CNTNAP4: variants seen among roughly 807,000 people sequenced by gnomAD.
The protein encoded by CNTNAP4 is contactin-associated protein-like 4.
CNTNAP4 carries 98 observed loss-of-function variants against 148.4 expected under a neutral mutation model. The observed-to-expected ratio is 0.66, with a 90% CI of 0.56 to 0.78. The LOEUF (loss-of-function observed/expected upper bound fraction) is 0.78, where lower values mean the gene tolerates loss of function less well. Ranked by LOEUF, CNTNAP4 falls within the 30% of genes least tolerant of loss-of-function variation. The probability of loss-of-function intolerance (pLI) is 0.00; values close to 1 mark genes in which losing one functional copy is unlikely to be tolerated. For synonymous variants in CNTNAP4, 730 were observed against 565.1 expected (o/e 1.29, Z -4.14); for missense variants, 1,935 against 1,565.6 (o/e 1.24, Z -3.98).
intron 21 of CNTNAP4, among the ~76,000 whole-genome samples, chr16:76,546,491 G>C (rs1038458395): frequency 2.0e-5 from 3 of 152,114 alleles, no homozygotes; most frequent in Non-Finnish European, 2.9e-5. Flanking sequence ...CTCATTATGA[G>C]AATCTAATGC....
intron 8 of CNTNAP4, among the ~76,000 whole-genome samples, chr16:76,461,206 C>CA (rs1294479573): frequency 6.6e-6 from 1 of 151,994 alleles, no homozygotes; most frequent in African/African-American, 2.4e-5. Flanking sequence ...AACAAACTTA[C>CA]AAAAATTTAA....
At chr16:76,384,166 C>T (rs1031227145) in intron 3 of CNTNAP4, among the ~76,000 whole-genome samples, 8 of 151,978 alleles carry the variant, frequency 5.3e-5, no homozygotes, top group African/African-American at 1.7e-4. Context: ...GCCTCAGCCT[C>T]CTGAGTAGCT....
chr16:76,330,906 T>A (rs1421559385), intron 2 of CNTNAP4, among the ~76,000 whole-genome samples: 1 of 152,248 alleles, frequency 6.6e-6, no homozygotes, highest in African/African-American at 2.4e-5. Context: ...TATTTGAATG[T>A]GGCAATTTTT....
At chr16:76,503,797 C>T (rs1038360902) in intron 15 of CNTNAP4, among the ~76,000 whole-genome samples, 6 of 150,992 alleles carry the variant, frequency 4.0e-5, no homozygotes, top group East Asian at 2.0e-4. Flanking sequence ...TTTGTCTTTG[C>T]GATAGTTTGC....
rs567025346 is a variant in CNTNAP4, at chr16:76,483,958, A to G, written c.1882+4420A>G. Among the ~76,000 whole-genome samples, 78 of 152,296 alleles carry G rather than the reference A, an allele frequency of 5.1e-4. 3 individuals are homozygous for G. In the South Asian group the frequency reaches 0.014, roughly 27 times the overall value. On this transcript the variant is annotated intron_variant, in intron 12 of 23. Coordinates refer to ENST00000611870, the MANE Select transcript of CNTNAP4 (RefSeq NM_033401.5). ...TATGGGCAATAATTTAGTAATTTAT[A>G]GGCCATATGTATTTTTTATTAACTA...
chr16:76,292,635 T>G (rs1199178415), intron 1 of CNTNAP4, among the ~76,000 whole-genome samples: 1 of 152,214 alleles, frequency 6.6e-6, no homozygotes, highest in Non-Finnish European at 1.5e-5. Flanking sequence ...AACTGCTGTA[T>G]CATTCCTCTC....
chr16:76,317,877 C>T (rs542444094), intron 2 of CNTNAP4, among the ~76,000 whole-genome samples: 1 of 152,242 alleles, frequency 6.6e-6, no homozygotes, highest in East Asian at 1.9e-4. Flanking sequence ...CTTTTGTGTG[C>T]TTCTGAATGT....
intron 17 of CNTNAP4, among the ~76,000 whole-genome samples, chr16:76,532,577 TTACTGTA>T (rs1229944810): frequency 6.6e-6 from 1 of 152,196 alleles, no homozygotes; most frequent in Non-Finnish European, 1.5e-5. Context: ...TGATTTAATG[TTACTGTA>T]TACTGTAGAC....
At chr16:76,412,002 C>T (rs2144923125) in intron 3 of CNTNAP4, among the ~76,000 whole-genome samples, 1 of 151,440 alleles carries the variant, frequency 6.6e-6, no homozygotes, top group South Asian at 2.1e-4. Context: ...AATTCTATTG[C>T]CATAGATTAG....
chr16:76,335,525 G>A (rs1235336181), intron 2 of CNTNAP4, among the ~76,000 whole-genome samples: 1 of 152,076 alleles, frequency 6.6e-6, no homozygotes, highest in Non-Finnish European at 1.5e-5. Context: ...GAAGGATGAG[G>A]GTAAGACATG....
chr16:76,346,148 G>A (rs1331798779), intron 2 of CNTNAP4, among the ~76,000 whole-genome samples: 1 of 151,954 alleles, frequency 6.6e-6, no homozygotes, highest in Admixed American at 6.6e-5. Context: ...TAAGCCCAGA[G>A]GTAAACAAAT....
intron 21 of CNTNAP4, 137 bp from the exon 22 acceptor site, chr16:76,553,146 C>A: frequency 1.7e-6 from 1 of 583,094 alleles, no homozygotes; most frequent in South Asian, 2.6e-5. Context: ...GGATTTTTAT[C>A]TTTTTAGTAA....
At chr16:76,291,958 G>A (rs1959134328) in intron 1 of CNTNAP4, among the ~76,000 whole-genome samples, 2 of 152,060 alleles carry the variant, frequency 1.3e-5, no homozygotes, top group South Asian at 2.1e-4. Context: ...AGTAGCCTTT[G>A]GATTTATCTT....
chr16:76,501,725 G>A lies in CNTNAP4; in HGVS notation c.2365+3031G>A, dbSNP rs186597073. ...GTAGTACTGAGGCTGAGAAACTAGA[G>A]CTTTGAACTACTGTGACCATGGGAA... On this transcript the variant is annotated intron_variant, in intron 15 of 23. Coordinates refer to ENST00000611870, the MANE Select transcript of CNTNAP4 (RefSeq NM_033401.5). Among the ~76,000 whole-genome samples, 222 of 152,138 alleles carry A rather than the reference G, an allele frequency of 1.5e-3. 1 individual carries two copies. The highest frequency in any genetic ancestry group is 5.1e-3 in the African/African-American group (212 of 41,504).
chr16:76,349,663 C>A (rs1019341744), intron 2 of CNTNAP4, among the ~76,000 whole-genome samples: 1 of 152,060 alleles, frequency 6.6e-6, no homozygotes, highest in African/African-American at 2.4e-5. Flanking sequence ...AAGTAATTAT[C>A]TTGGAGGGAA....
At chr16:76,370,053 C>G (rs1050721675) in intron 3 of CNTNAP4, among the ~76,000 whole-genome samples, 1 of 152,152 alleles carries the variant, frequency 6.6e-6, no homozygotes, top group Non-Finnish European at 1.5e-5. Flanking sequence ...TCTGGGTACA[C>G]CTTTACCTAG....
chr16:76,359,357 A>G (rs1349391624), intron 3 of CNTNAP4, among the ~76,000 whole-genome samples: 1 of 152,200 alleles, frequency 6.6e-6, no homozygotes, highest in Non-Finnish European at 1.5e-5. Flanking sequence ...AACAAAAGAC[A>G]AGTGTTACTG....
rs575056783 is a variant in CNTNAP4, at chr16:76,331,005, G to C, written c.196+14482G>C. 3.3e-5 allele frequency among the ~76,000 whole-genome samples: 5 copies of C among 152,178 alleles called. No individual in the cohort carries two copies. The East Asian group carries it at 9.6e-4, about 29-fold the overall frequency. On this transcript the variant is annotated intron_variant, in intron 2 of 23. Coordinates refer to ENST00000611870, the MANE Select transcript of CNTNAP4 (RefSeq NM_033401.5). ...TTTACTAAAGTTTTTAAAAATTGTG[G>C]TGAAATTCACATAACATACAATTAA...
At chr16:76,433,285 C>G (rs1345345476) in intron 4 of CNTNAP4, among the ~76,000 whole-genome samples, 3 of 152,090 alleles carry the variant, frequency 2.0e-5, no homozygotes, top group African/African-American at 7.2e-5. Flanking sequence ...AAAGGTTAGC[C>G]TACCAGGAGA....
Sources: gnomAD v4.1 joint callset for allele counts (sites outside exome capture counted in the v4.1 genomes callset) on GRCh38, gnomAD v4.1.1 for gene constraint, MANE v1.5 for transcripts, NCBI Gene and HGNC (gene_info 2026-07-23, HGNC 2026-07-21) for gene names.